The following PIK3C2G variants were observed in gnomAD, a reference collection of about 807,000 sequenced individuals.
The protein encoded by PIK3C2G is phosphatidylinositol-4-phosphate 3-kinase catalytic subunit type 2 gamma, also known as phosphatidylinositol 3-kinase C2 domain-containing subunit gamma.
Under a neutral mutation model 181.1 loss-of-function variants are expected in PIK3C2G, and 168 were observed. The ratio of observed to expected loss-of-function variants is 0.93; its 90% CI spans 0.82 to 1.05. The LOEUF (loss-of-function observed/expected upper bound fraction) is 1.05. PIK3C2G is among the 50% of genes least tolerant of loss of function. The pLI is 0.00. For synonymous variants in PIK3C2G, 573 were observed against 592.2 expected (o/e 0.97, Z 0.47); for missense variants, 1,869 against 1,732.8 (o/e 1.08, Z -1.40).
At chr12:18,459,202 T>G (rs1209504442) in intron 18 of PIK3C2G, among the ~76,000 whole-genome samples, 1 of 152,192 alleles carries the variant, frequency 6.6e-6, no homozygotes, top group Non-Finnish European at 1.5e-5. Context: ...TAAAATTTTT[T>G]AAGTGTGTAA....
Position 18,389,754 on chromosome 12 carries a change from G to A in PIK3C2G, c.1996-1368G>A, listed in dbSNP as rs1296951220. On this transcript the variant is annotated intron_variant, in intron 14 of 32. Transcript: ENST00000538779. ...CATAATTCATGAAAAAATGCAATTT[G>A]ATAAAAGATCTCACGTATCAGAAAT... 3.9e-5 allele frequency among the ~76,000 whole-genome samples: 6 copies of A among 152,076 alleles called. No homozygotes were observed. In the East Asian group the frequency reaches 1.2e-3, roughly 29 times the overall value.
At chr12:18,436,618 C>T (rs774047693) in intron 18 of PIK3C2G, among the ~76,000 whole-genome samples, 9 of 151,924 alleles carry the variant, frequency 5.9e-5, no homozygotes, top group Non-Finnish European at 1.3e-4. Flanking sequence ...TAAAAATAAT[C>T]ACACCACATA....
chr12:18,511,026 A>G (rs142381109), intron 24 of PIK3C2G, among the ~76,000 whole-genome samples: 373 of 152,200 alleles, frequency 2.5e-3, no homozygotes, highest in Admixed American at 7.2e-3. Flanking sequence ...GATAATCACC[A>G]TTCTACTCCT....
the PIK3C2G span, among the ~76,000 whole-genome samples, chr12:18,662,350 G>C: frequency 2.0e-5 from 3 of 151,880 alleles, no homozygotes; most frequent in African/African-American, 7.3e-5. Flanking sequence ...ACAAAATTGA[G>C]GGAGAAATTA....
At chr12:18,294,043 A>T (rs1362185569) in intron 5 of PIK3C2G, 28 bp downstream of exon 5, 1 of 1,038,608 alleles carries the variant, frequency 9.6e-7, no homozygotes, top group South Asian at 1.4e-5. Flanking sequence ...TTTTGGTTGT[A>T]TTATAATCTG....
the PIK3C2G span, among the ~76,000 whole-genome samples, chr12:18,661,964 G>T: frequency 6.6e-6 from 1 of 152,078 alleles, no homozygotes; most frequent in Non-Finnish European, 1.5e-5. Flanking sequence ...CATATCATTT[G>T]CAGAAACATG....
the PIK3C2G span, among the ~76,000 whole-genome samples, chr12:18,707,911 G>C: frequency 2.6e-5 from 4 of 152,232 alleles, no homozygotes; most frequent in Admixed American, 1.3e-4. Context: ...TATACAACAT[G>C]ATGTTATGGA....
Position 18,265,494 on chromosome 12 carries a change from A to C in PIK3C2G, c.-79+3917A>C, listed in dbSNP as rs564997408. ...TCCATTAATTCATCTTAAAACACAC[A>C]CTTTTACCTGATTCATAAATGCCTA... On this transcript the variant is annotated intron_variant, in intron 1 of 32. Transcript: ENST00000538779. 5.8e-4 allele frequency among the ~76,000 whole-genome samples: 89 copies of C among 152,234 alleles called. 1 individual carries two copies. Among genetic ancestry groups the C allele is most frequent in the Non-Finnish European group, 3.2e-4 (22 of 68,008 alleles).
the PIK3C2G span, among the ~76,000 whole-genome samples, chr12:18,697,023 T>C: frequency 6.6e-6 from 1 of 152,174 alleles, no homozygotes; most frequent in South Asian, 2.1e-4. Flanking sequence ...TTAAGTCACT[T>C]GAGATTCAAA....
chr12:18,643,064 C>T (rs998139301), intron 32 of PIK3C2G, among the ~76,000 whole-genome samples: 6 of 151,980 alleles, frequency 3.9e-5, no homozygotes, highest in African/African-American at 1.4e-4. Context: ...TATAAGAAAA[C>T]ATATAATAAC....
chr12:18,721,374 T>C, the PIK3C2G span, among the ~76,000 whole-genome samples: 1 of 152,142 alleles, frequency 6.6e-6, no homozygotes, highest in East Asian at 1.9e-4. Context: ...ACCAAAGTGA[T>C]CAATAATCAT....
intron 24 of PIK3C2G, among the ~76,000 whole-genome samples, chr12:18,530,174 A>AG (rs1943472224): frequency 1.3e-5 from 2 of 152,136 alleles, no homozygotes; most frequent in Admixed American, 1.3e-4. Context: ...TACTTTCTTG[A>AG]GAAAAATAAA....
intron 16 of PIK3C2G, among the ~76,000 whole-genome samples, chr12:18,405,631 T>A (rs983019700): frequency 6.6e-6 from 1 of 152,258 alleles, no homozygotes; most frequent in African/African-American, 2.4e-5. Context: ...CTTAGAACTC[T>A]TGAAAAAGAT....
chr12:18,505,146 C>G (rs1353628264), intron 23 of PIK3C2G, 146 bp from the exon 24 acceptor site: 1 of 586,806 alleles, frequency 1.7e-6, no homozygotes, highest in Admixed American at 3.4e-5. Flanking sequence ...AGCTGCTTAA[C>G]TGTACCCTCC....
At chr12:18,421,785 G>A (rs1164663558) in intron 17 of PIK3C2G, among the ~76,000 whole-genome samples, 3 of 151,536 alleles carry the variant, frequency 2.0e-5, no homozygotes, top group African/African-American at 7.3e-5. Flanking sequence ...GAAAGGTCAG[G>A]TTGTTACAGC....
intron 1 of PIK3C2G, among the ~76,000 whole-genome samples, chr12:18,279,814 C>A (rs927607731): frequency 5.9e-5 from 9 of 151,954 alleles, no homozygotes; most frequent in Admixed American, 1.3e-4. Context: ...TTTTGAGATT[C>A]ATTTTCTGGT....
At chr12:18,715,441 G>A in the PIK3C2G span, among the ~76,000 whole-genome samples, 5 of 150,728 alleles carry the variant, frequency 3.3e-5, no homozygotes, top group East Asian at 3.9e-4. Flanking sequence ...TCGCTCTGTC[G>A]CCCAGACTGG....
intron 18 of PIK3C2G, among the ~76,000 whole-genome samples, chr12:18,472,777 G>A (rs1311405203): frequency 3.3e-5 from 5 of 151,976 alleles, no homozygotes; most frequent in South Asian, 2.1e-4. Context: ...TTGGCTCACC[G>A]CAACTTCCAC....
At chr12:18,269,897 CT>C (rs1237092118) in intron 1 of PIK3C2G, among the ~76,000 whole-genome samples, 188 of 135,298 alleles carry the variant, frequency 1.4e-3, no homozygotes, top group African/African-American at 4.3e-3. Context: ...ACCCTTTTTT[CT>C]TTTTTTTTCT....
Sources: gnomAD v4.1 joint callset for allele counts (sites outside exome capture counted in the v4.1 genomes callset) on GRCh38, gnomAD v4.1.1 for gene constraint, MANE v1.5 for transcripts, NCBI Gene and HGNC (gene_info 2026-07-23, HGNC 2026-07-21) for gene names.